The following SAMMSON variants were observed in gnomAD, a reference collection of about 807,000 sequenced individuals.
The protein encoded by SAMMSON is long intergenic non-protein coding RNA 1212.
At chr3:70,182,678 G>A (rs1435959035) in intron 4 of SAMMSON, among the ~76,000 whole-genome samples, 1 of 152,098 alleles carries the variant, frequency 6.6e-6, no homozygotes, top group Non-Finnish European at 1.5e-5. Flanking sequence ...GGCTCAATTT[G>A]ACTCCAACAT....
At chr3:70,325,903 C>T (rs1702577867) in intron 7 of SAMMSON, among the ~76,000 whole-genome samples, 1 of 152,158 alleles carries the variant, frequency 6.6e-6, no homozygotes, top group Admixed American at 6.6e-5. Flanking sequence ...CCTTCTAGAT[C>T]TAGACACCTT....
intron 2 of SAMMSON, among the ~76,000 whole-genome samples, chr3:70,401,314 G>A (rs1178856165): frequency 1.3e-5 from 2 of 152,018 alleles, no homozygotes; most frequent in Non-Finnish European, 1.5e-5. Context: ...CAATAACTTG[G>A]GCAAATACTG....
chr3:70,227,570 A>G (rs994875417), intron 4 of SAMMSON, among the ~76,000 whole-genome samples: 5 of 152,236 alleles, frequency 3.3e-5, no homozygotes, highest in Admixed American at 2.6e-4. Context: ...AAAATAAGAA[A>G]GTGAAAAGTT....
chr3:70,339,920 T>C (rs1702697787), intron 7 of SAMMSON, among the ~76,000 whole-genome samples: 1 of 152,062 alleles, frequency 6.6e-6, no homozygotes, highest in South Asian at 2.1e-4. Context: ...ACCCAAAGGA[T>C]TATAAATCAT....
intron 4 of SAMMSON, among the ~76,000 whole-genome samples, chr3:70,156,688 G>A (rs2067593369): frequency 6.6e-6 from 1 of 152,054 alleles, no homozygotes; most frequent in African/African-American, 2.4e-5. Flanking sequence ...GATAAAGACA[G>A]GTCTTTTGGT....
intron 7 of SAMMSON, among the ~76,000 whole-genome samples, chr3:70,323,377 A>G (rs1348588944): frequency 6.6e-6 from 1 of 152,140 alleles, no homozygotes; most frequent in African/African-American, 2.4e-5. Flanking sequence ...CGAATTGTCA[A>G]CTTCTCTGAG....
At chr3:70,238,258 G>GTTA (rs1701632218) in intron 4 of SAMMSON, among the ~76,000 whole-genome samples, 1 of 151,778 alleles carries the variant, frequency 6.6e-6, no homozygotes, top group South Asian at 2.1e-4. Context: ...TCTATGTAAG[G>GTTA]TGTAAACACT....
chr3:70,320,614 A>G (rs1702531695), intron 7 of SAMMSON, among the ~76,000 whole-genome samples: 1 of 152,048 alleles, frequency 6.6e-6, no homozygotes, highest in African/African-American at 2.4e-5. Context: ...AACCTTATTT[A>G]GAATTGATTT....
At chr3:70,412,393 A>T (rs974330997) in intron 2 of SAMMSON, among the ~76,000 whole-genome samples, 2 of 152,236 alleles carry the variant, frequency 1.3e-5, no homozygotes, top group Non-Finnish European at 2.9e-5. Context: ...AACAAATAAA[A>T]GACTAAAATG....
At chr3:70,356,602 T>G (rs947338473) in intron 8 of SAMMSON, among the ~76,000 whole-genome samples, 2 of 152,170 alleles carry the variant, frequency 1.3e-5, no homozygotes, top group Non-Finnish European at 2.9e-5. Context: ...TTCCTCACTA[T>G]TCTTACTTTT....
intron 4 of SAMMSON, among the ~76,000 whole-genome samples, chr3:70,155,900 T>G (rs2067590292): frequency 6.6e-6 from 1 of 152,090 alleles, no homozygotes; most frequent in South Asian, 2.1e-4. Flanking sequence ...ACATGCATCC[T>G]TTTGAAATAG....
rs984389299 is a variant in SAMMSON at position 70,265,654 on chromosome 3, C to T, written n.674+15984C>T. 3.3e-5 allele frequency among the ~76,000 whole-genome samples: 5 copies of T among 152,198 alleles called. No individual in the cohort carries two copies. The East Asian group carries it at 9.6e-4, about 29-fold the overall frequency. On this transcript the variant is annotated intron_variant and non_coding_transcript_variant, in intron 6 of 9. Transcript: ENST00000642114. ...GACATTTTCTCCATGTGCTTTGCAC[C>T]TTACCAAATGTATTAGTCCATTCTC... is the stretch of plus-strand genomic sequence containing the variant.
At chr3:70,147,377 A>C (rs2067553237) in intron 4 of SAMMSON, among the ~76,000 whole-genome samples, 1 of 152,090 alleles carries the variant, frequency 6.6e-6, no homozygotes, top group Non-Finnish European at 1.5e-5. Flanking sequence ...TTTTGAAAAA[A>C]GAATAAATCC....
chr3:70,413,550 A>G (rs1046406452), intron 2 of SAMMSON, among the ~76,000 whole-genome samples: 5 of 152,140 alleles, frequency 3.3e-5, no homozygotes, highest in African/African-American at 9.7e-5. Context: ...CAAATATATT[A>G]AAATTACATA....
intron 6 of SAMMSON, among the ~76,000 whole-genome samples, chr3:70,267,118 G>A (rs1241708836): frequency 6.6e-6 from 1 of 152,180 alleles, no homozygotes; most frequent in East Asian, 1.9e-4. Flanking sequence ...GGGTGGGAAG[G>A]AGAATAGGAA....
intron 4 of SAMMSON, among the ~76,000 whole-genome samples, chr3:70,153,274 G>GTA (rs2067578950): frequency 6.6e-6 from 1 of 151,950 alleles, no homozygotes; most frequent in South Asian, 2.1e-4. Flanking sequence ...TGCACTGACA[G>GTA]TATATAAGGT....
intron 3 of SAMMSON, among the ~76,000 whole-genome samples, chr3:70,066,371 G>C (rs1421458862): frequency 6.6e-6 from 1 of 151,954 alleles, no homozygotes; most frequent in Non-Finnish European, 1.5e-5. Flanking sequence ...TCAAGGGTCT[G>C]TACCACCTGT....
At chr3:70,093,426 G>T (rs1314681174) in intron 4 of SAMMSON, among the ~76,000 whole-genome samples, 1 of 152,164 alleles carries the variant, frequency 6.6e-6, no homozygotes, top group Non-Finnish European at 1.5e-5. Flanking sequence ...ATTGTCAATG[G>T]CTTGGATTGT....
At chr3:70,017,818 C>T (rs1351862012) in intron 3 of SAMMSON, among the ~76,000 whole-genome samples, 1 of 151,968 alleles carries the variant, frequency 6.6e-6, no homozygotes, top group Non-Finnish European at 1.5e-5. Flanking sequence ...TGTGAAAGGC[C>T]TTTTCTTCAT....
Sources: allele counts gnomAD v4.1 joint callset (sites outside exome capture counted in the v4.1 genomes callset), GRCh38; gene constraint gnomAD v4.1.1; transcripts MANE v1.5; gene names NCBI Gene and HGNC (gene_info 2026-07-23, HGNC 2026-07-21).